The following TNKS2 variants were observed in gnomAD, a reference collection of about 807,000 sequenced individuals.
TNKS2 encodes poly [ADP-ribose] polymerase tankyrase-2.
In TNKS2, 72 loss-of-function variants were observed where a neutral mutation model predicts 137.6. The observed-to-expected ratio is 0.52, with a 90% CI of 0.43 to 0.64. The LOEUF (loss-of-function observed/expected upper bound fraction) is 0.64, where lower values mean the gene tolerates loss of function less well. Ranked by LOEUF, TNKS2 falls within the 30% of genes least tolerant of loss-of-function variation. The pLI, the probability that TNKS2 is intolerant of heterozygous loss-of-function variation, is 0.00. For missense variants in TNKS2, 1,049 were observed against 1,410.2 expected (o/e 0.74, Z 4.10); for synonymous variants, 516 against 512.1 (o/e 1.01, Z -0.10).
intron 21 of TNKS2, among the ~76,000 whole-genome samples, chr10:91,852,275 T>C (rs1336274796): frequency 6.6e-6 from 1 of 150,630 alleles, no homozygotes; most frequent in Non-Finnish European, 1.5e-5. Flanking sequence ...TTAATTGTTT[T>C]GGCTAGGCTC....
At chr10:91,834,143 T>G in intron 12 of TNKS2, 119 bp downstream of exon 12, 3 of 728,368 alleles carry the variant, frequency 4.1e-6, no homozygotes, top group Non-Finnish European at 6.1e-6. Context: ...GTTTATTTCT[T>G]CTTAGGTTAT....
chr10:91,834,033 T>C lies in TNKS2; in HGVS notation c.1447+9T>C, dbSNP rs115905849. 2 of 1,541,534 alleles carry C rather than the reference T, an allele frequency of 1.3e-6. No homozygotes were observed. Among genetic ancestry groups the C allele is most frequent in the Non-Finnish European group, 1.7e-6 (2 of 1,144,390 alleles). On this transcript the variant is annotated intron_variant, in intron 12 of 26. Coordinates refer to ENST00000371627, the MANE Select transcript of TNKS2 (RefSeq NM_025235.4). Reference sequence around the variant, plus strand: ...ACAGCAACTCCTCCAAGGTATTACATGCTTCAATGAAATTGATTTTTTTAA... The same window carrying C: ...ACAGCAACTCCTCCAAGGTATTACACGCTTCAATGAAATTGATTTTTTTAA...
rs759157855 is a variant in TNKS2, at chr10:91,859,686, TCA to T, written c.3281+39_3281+40del. ...TTGTTCTCATTTATTTTGGTGGTAA[TCA>T]GATAAGAACTAGTTGCATTTTTGAG... is the stretch of plus-strand genomic sequence containing the variant. On this transcript the variant is annotated intron_variant, in intron 25 of 26. Transcript: ENST00000371627. 3.4e-5 allele frequency: 54 copies of T among 1,572,548 alleles called. No individual in the cohort carries two copies. In the African/African-American group the frequency reaches 6.8e-4, roughly 20 times the overall value.
chr10:91,801,060 T>C (rs1267362200), intron 1 of TNKS2, among the ~76,000 whole-genome samples: 1 of 152,174 alleles, frequency 6.6e-6, no homozygotes, highest in Non-Finnish European at 1.5e-5. Flanking sequence ...ATTTTAAAAT[T>C]TTTTTAGCTG....
intron 2 of TNKS2, 75 bp from the exon 3 acceptor site, chr10:91,817,059 C>T (rs1464030643): frequency 2.9e-6 from 3 of 1,044,908 alleles, no homozygotes; most frequent in South Asian, 2.9e-5. Context: ...GACCAGACTT[C>T]TTGAGAAAAT....
chr10:91,839,177 T>C (rs558762615), intron 13 of TNKS2, among the ~76,000 whole-genome samples: 5 of 151,738 alleles, frequency 3.3e-5, no homozygotes, highest in South Asian at 4.2e-4. Context: ...AAGATAGATA[T>C]ATTCTTTTGA....
At chr10:91,850,244 C>T (rs1842501785) in intron 20 of TNKS2, among the ~76,000 whole-genome samples, 1 of 151,296 alleles carries the variant, frequency 6.6e-6, no homozygotes, top group Non-Finnish European at 1.5e-5. Context: ...TGGCAGGCAC[C>T]TATAATCCCA....
Position 91,827,172 on chromosome 10 carries a change from T to C in TNKS2, c.951T>C (p.Ala317=). Residue 317 remains alanine (A), a synonymous_variant, in exon 8 of 27, where the codon GCT becomes GCC. Coordinates refer to ENST00000371627, the MANE Select transcript of TNKS2 (RefSeq NM_025235.4). ...NCHNKSAIDL[A]PTPQLKERLA... is the part of the protein sequence containing the mutation. ...ACAATAAAAGTGCTATAGACTTGGCTCCCACACCACAGTTAAAAGAAAGAT... is the reference window on the plus strand; with the variant it reads ...ACAATAAAAGTGCTATAGACTTGGCCCCCACACCACAGTTAAAAGAAAGAT... 6.3e-7 allele frequency: 1 copy of C among 1,579,006 alleles called. No homozygotes were observed. The highest frequency in any genetic ancestry group is 8.6e-7 in the Non-Finnish European group (1 of 1,161,776).
At position 91,827,087 on chromosome 10, in the gene TNKS2, G is replaced by T; in HGVS notation, c.866G>T (p.Arg289Met). 1 of 1,610,814 alleles carries T rather than the reference G, an allele frequency of 6.2e-7. No homozygotes were observed. The highest frequency in any genetic ancestry group is 8.5e-7 in the Non-Finnish European group (1 of 1,178,460). Reference sequence around the variant, plus strand: ...CTTCATGAGGCAGCTTCTAAGAACAGGGTTGAAGTATGTTCTCTTCTCTTA... The same window carrying T: ...CTTCATGAGGCAGCTTCTAAGAACATGGTTGAAGTATGTTCTCTTCTCTTA... ...TPLHEAASKN[R>M]VEVCSLLLSY... Residue 289 changes from arginine (R) to methionine (M), a missense_variant, in exon 8 of 27, where the codon AGG becomes ATG. Arg to Met is a moderately conservative substitution (Grantham distance 91, BLOSUM62 -1). Transcript: ENST00000371627.
chr10:91,817,429 G>A (rs558598303), intron 3 of TNKS2, among the ~76,000 whole-genome samples, 200 bp downstream of exon 3: 1 of 152,194 alleles, frequency 6.6e-6, no homozygotes, highest in East Asian at 1.9e-4. Context: ...TTTTCTAATT[G>A]CTGTTTAAGT....
rs1469316535 is a variant in TNKS2 at position 91,798,513 on chromosome 10, A to C, written c.-178A>C. The C allele has an allele frequency of 2.9e-6, 2 of 678,200 alleles. No individual in the cohort carries two copies. The highest frequency in any genetic ancestry group is 4.0e-6 in the Non-Finnish European group (2 of 499,910). 42.0% of individuals were successfully genotyped at this position (678,200 alleles called of 1,614,324 possible). On this transcript the variant is annotated 5_prime_UTR_variant, in exon 1 of 27. Transcript: ENST00000371627. ...GGGGCAGCCGGGGGGCAGGGAGCCC[A>C]GCGAGGGGCGCGCGTGGGCGCGGCC... is the stretch of plus-strand genomic sequence containing the variant.
At chr10:91,836,472 T>C in intron 12 of TNKS2, 1 of 190,694 alleles carries the variant, frequency 5.2e-6, no homozygotes, top group East Asian at 1.9e-4. Flanking sequence ...TCTACTAGTC[T>C]ACCTTATGTC....
intron 12 of TNKS2, among the ~76,000 whole-genome samples, chr10:91,836,379 G>A (rs1842019039): frequency 6.6e-6 from 1 of 151,978 alleles, no homozygotes; most frequent in Non-Finnish European, 1.5e-5. Context: ...TTTGTTCTAA[G>A]GTGCAAGGTA....
chr10:91,812,218 T>C (rs575512814), intron 1 of TNKS2, among the ~76,000 whole-genome samples: 1 of 152,202 alleles, frequency 6.6e-6, no homozygotes, highest in Admixed American at 6.5e-5. Context: ...TAAGTACTAA[T>C]ATATGGGAAT....
chr10:91,829,495 A>G (rs1291658922), intron 9 of TNKS2, among the ~76,000 whole-genome samples: 2 of 152,184 alleles, frequency 1.3e-5, no homozygotes, highest in Admixed American at 1.3e-4. Context: ...GCAGTTTCTT[A>G]CAGGTTCCCA....
At chr10:91,814,269 A>AT (rs1347249554) in intron 2 of TNKS2, among the ~76,000 whole-genome samples, 13 of 152,248 alleles carry the variant, frequency 8.5e-5, no homozygotes, top group Middle Eastern at 6.8e-3. Flanking sequence ...GTAAAAAAAA[A>AT]TTTTTTTGAA....
chr10:91,848,059 T>C (rs1842432339), intron 18 of TNKS2, among the ~76,000 whole-genome samples: 1 of 152,194 alleles, frequency 6.6e-6, no homozygotes, highest in Admixed American at 6.5e-5. Context: ...TGTTTTCGGC[T>C]TTTGGATATT....
At chr10:91,808,823 C>T (rs1844408720) in intron 1 of TNKS2, among the ~76,000 whole-genome samples, 1 of 151,798 alleles carries the variant, frequency 6.6e-6, no homozygotes, top group Non-Finnish European at 1.5e-5. Flanking sequence ...TTGAGGAATC[C>T]CAATATTTAG....
intron 25 of TNKS2, among the ~76,000 whole-genome samples, chr10:91,860,524 C>G (rs577806843): frequency 6.6e-6 from 1 of 152,248 alleles, no homozygotes; most frequent in Non-Finnish European, 1.5e-5. Context: ...GAAAAAAACC[C>G]CTAGAGCAGT....
Sources: allele counts gnomAD v4.1 joint callset (sites outside exome capture counted in the v4.1 genomes callset), GRCh38; gene constraint gnomAD v4.1.1; transcripts MANE v1.5; gene names NCBI Gene and HGNC (gene_info 2026-07-23, HGNC 2026-07-21).